CD58: variants seen among roughly 807,000 people sequenced by gnomAD.
The protein encoded by CD58 is CD58 molecule, also known as lymphocyte function-associated antigen 3.
In CD58, 14 loss-of-function variants were observed where a neutral mutation model predicts 27.6. That is an observed-to-expected ratio of 0.51 (90% CI 0.34 to 0.79). CD58 has a LOEUF of 0.79. CD58 is among the 30% of genes least tolerant of loss of function. CD58 has a pLI of 0.02. For synonymous variants in CD58, 117 were observed against 103.8 expected (o/e 1.13, Z -0.77); for missense variants, 268 against 301.7 (o/e 0.89, Z 0.83).
At position 116,519,489 on chromosome 1, in the gene CD58, A is replaced by G. The variant is rs1440143458; in HGVS notation, c.707-222T>C. ...CAGAACATGATAGAAAACCAAATGC[A>G]AAAACTGTTGACAAAATGGCTAATT... On this transcript the variant is annotated intron_variant, in intron 4 of 5. Coordinates refer to ENST00000369489, the MANE Select transcript of CD58 (RefSeq NM_001779.3). This position sits in a 1 kb window ranked among gnomAD's most constrained non-coding sequence, Gnocchi z 4.7. 1.3e-5 allele frequency among the ~76,000 whole-genome samples: 2 copies of G among 152,222 alleles called. No homozygotes were observed. The highest frequency in any genetic ancestry group is 6.5e-5 in the Admixed American group (1 of 15,286).
chr1:116,519,638 TA>T lies in CD58; in HGVS notation c.707-372del, dbSNP rs71692419. On this transcript the variant is annotated intron_variant, in intron 4 of 5. Transcript: ENST00000369489. The surrounding 1 kb of genome is among the most constrained non-coding windows in gnomAD (Gnocchi z 4.7). ...AATTTTTGGTATCCACATTACAAAG[TA>T]AAAAAAAATGTAAATTTTAATATTT... Among the ~76,000 whole-genome samples, 7 of 151,464 alleles carry T rather than the reference TA, an allele frequency of 4.6e-5. No homozygotes were observed. The highest frequency in any genetic ancestry group is 2.1e-4 in the South Asian group (1 of 4,818).
At chr1:116,526,980 G>A (rs186741392) in intron 3 of CD58, among the ~76,000 whole-genome samples, 2 of 151,978 alleles carry the variant, frequency 1.3e-5, no homozygotes, top group Non-Finnish European at 2.9e-5. Flanking sequence ...AATTCCACTT[G>A]TTCATTGCTG....
In CD58 at chr1:116,559,026, C is replaced by T. The variant is rs763766265; in HGVS notation, c.70+11877G>A. On this transcript the variant is annotated intron_variant, in intron 1 of 5. Transcript: ENST00000369489. The surrounding 1 kb of genome is among the most constrained non-coding windows in gnomAD (Gnocchi z 4.4). ...GTCTATTTTTCAGTGGAGGGAAGAA[C>T]ATAATAAATGAAAAAGTAAATATCT... Among the ~76,000 whole-genome samples the T allele has an allele frequency of 2.0e-5, 3 of 152,060 alleles. No homozygotes were observed. Among genetic ancestry groups the T allele is most frequent in the South Asian group, 2.1e-4 (1 of 4,818 alleles).
At position 116,528,912 on chromosome 1, in the gene CD58, T is replaced by C. The variant is rs1013810062; in HGVS notation, c.629-6929A>G. On this transcript the variant is annotated intron_variant, in intron 3 of 5. Transcript: ENST00000369489. This position sits in a 1 kb window ranked among gnomAD's most constrained non-coding sequence, Gnocchi z 4.4. ...TGCCAAATCCACAACCTCTTCTACATTGTCCTCCTTAAACCATTGGCTGTA... is the reference window on the plus strand; with the variant it reads ...TGCCAAATCCACAACCTCTTCTACACTGTCCTCCTTAAACCATTGGCTGTA... Among the ~76,000 whole-genome samples the C allele has an allele frequency of 2.0e-5, 3 of 152,230 alleles. No homozygotes were observed. The highest frequency in any genetic ancestry group is 2.9e-5 in the Non-Finnish European group (2 of 68,034).
chr1:116,570,944 G>A lies in CD58; in HGVS notation c.29C>T (p.Ala10Val). The A allele has an allele frequency of 6.4e-7, 1 of 1,565,646 alleles. No individual in the cohort carries two copies. Among genetic ancestry groups the A allele is most frequent in the Non-Finnish European group, 8.6e-7 (1 of 1,162,236 alleles). The stretch of plus-strand genomic sequence containing the variant: ...GCAGACCACGCTGAGGACCCCCAGG[G>A]CCCGCCCCGCGTCGCTCCCAGCAAC... MVAGSDAGR[A>V]LGVLSVVCLL... The change falls in exon 1 of 6, where the codon GCC becomes GTC. Residue 10 changes from alanine (A) to valine (V), a missense_variant. Ala to Val is a moderately conservative substitution (Grantham distance 64). Transcript: ENST00000369489. This position sits in a 1 kb window ranked among gnomAD's most constrained non-coding sequence, Gnocchi z 6.4.
In CD58 at chr1:116,531,670, C is replaced by A. The variant is rs972292408; in HGVS notation, c.628+4295G>T. On this transcript the variant is annotated intron_variant, in intron 3 of 5. Coordinates refer to ENST00000369489, the MANE Select transcript of CD58 (RefSeq NM_001779.3). This position sits in a 1 kb window ranked among gnomAD's most constrained non-coding sequence, Gnocchi z 4.5. ...CAAACAGTGCTCCTTTGAGTGACAC[C>A]TCTGTGGGTTTGATCTTTTCTCTGT... Among the ~76,000 whole-genome samples, 11 of 152,202 alleles carry A rather than the reference C, an allele frequency of 7.2e-5. No homozygotes were observed. The highest frequency in any genetic ancestry group is 2.7e-4 in the African/African-American group (11 of 41,452).
At chr1:116,566,523 A>G (rs1179102149) in intron 1 of CD58, among the ~76,000 whole-genome samples, 1 of 152,232 alleles carries the variant, frequency 6.6e-6, no homozygotes, top group African/African-American at 2.4e-5. Flanking sequence ...TCTCACTAAA[A>G]GAAACCAGGG....
At chr1:116,562,069 C>A (rs932824930) in intron 1 of CD58, among the ~76,000 whole-genome samples, 13 of 152,000 alleles carry the variant, frequency 8.6e-5, no homozygotes, top group African/African-American at 3.1e-4. Flanking sequence ...AGCACATGAA[C>A]AAGTCTCACA....
intron 1 of CD58, among the ~76,000 whole-genome samples, chr1:116,555,275 T>C (rs937174643): frequency 6.6e-6 from 1 of 152,108 alleles, no homozygotes; most frequent in African/African-American, 2.4e-5. Context: ...ATGCCCACCA[T>C]AAAAGATTGT....
At chr1:116,551,048 T>TA (rs1386844659) in intron 1 of CD58, among the ~76,000 whole-genome samples, 1 of 152,330 alleles carries the variant, frequency 6.6e-6, no homozygotes, top group East Asian at 1.9e-4. Context: ...TCCAGCCTGT[T>TA]GTTCCATTTT....
chr1:116,536,351 A>AT lies in CD58; in HGVS notation c.365-124_365-123insA. On this transcript the variant is annotated intron_variant, in intron 2 of 5. Transcript: ENST00000369489. The surrounding 1 kb of genome is among the most constrained non-coding windows in gnomAD (Gnocchi z 5.4). ...AAAGGATGAGCAGACAAACTCCTTG[A>AT]GCATCAAGGAGCGAGAATTCTTTCT... 2 of 646,754 alleles carry AT rather than the reference A, an allele frequency of 3.1e-6. No individual in the cohort carries two copies. The highest frequency in any genetic ancestry group is 5.2e-6 in the Non-Finnish European group (2 of 386,112). The allele number at this position is 646,754 out of a possible 1,614,324, so 40.1% of individuals were successfully genotyped here.
chr1:116,526,270 T>C (rs746885300), intron 3 of CD58, among the ~76,000 whole-genome samples: 1 of 152,234 alleles, frequency 6.6e-6, no homozygotes, highest in African/African-American at 2.4e-5. Context: ...AGTCATCATA[T>C]CCAAAGTTAT....
chr1:116,536,254 T>C lies in CD58; in HGVS notation c.365-26A>G, dbSNP rs766224715. Reference sequence around the variant, plus strand: ...CTGGAAAAAAAAGTATAATATTTAGTACAGAAAATAGTAATATTTAGACTT... The same window carrying C: ...CTGGAAAAAAAAGTATAATATTTAGCACAGAAAATAGTAATATTTAGACTT... On this transcript the variant is annotated intron_variant, in intron 2 of 5. Coordinates refer to ENST00000369489, the MANE Select transcript of CD58 (RefSeq NM_001779.3). The surrounding 1 kb of genome is among the most constrained non-coding windows in gnomAD (Gnocchi z 5.4). The C allele has an allele frequency of 6.4e-7, 1 of 1,552,442 alleles. No homozygotes were observed. The highest frequency in any genetic ancestry group is 2.3e-5 in the East Asian group (1 of 42,898).
rs1024506161 is a variant in CD58 at position 116,552,472 on chromosome 1, G to A, written c.71-7868C>T. Among the ~76,000 whole-genome samples, 65 of 152,298 alleles carry A rather than the reference G, an allele frequency of 4.3e-4. No homozygotes were observed. Among genetic ancestry groups the A allele is most frequent in the Admixed American group, 1.1e-3 (17 of 15,296 alleles). On this transcript the variant is annotated intron_variant, in intron 1 of 5. Coordinates refer to ENST00000369489, the MANE Select transcript of CD58 (RefSeq NM_001779.3). The surrounding 1 kb of genome is among the most constrained non-coding windows in gnomAD (Gnocchi z 4.5). Reference sequence around the variant, plus strand: ...CACTGATGGACTTGCTTAAAGCTGGGTTGTCACGAACCTTCAATTTGTAAA... The same window carrying A: ...CACTGATGGACTTGCTTAAAGCTGGATTGTCACGAACCTTCAATTTGTAAA...
chr1:116,538,197 G>C lies in CD58; in HGVS notation c.365-1969C>G, dbSNP rs371618692. On this transcript the variant is annotated intron_variant, in intron 2 of 5. Transcript: ENST00000369489. This position sits in a 1 kb window ranked among gnomAD's most constrained non-coding sequence, Gnocchi z 4.7. ...CCTTAAGATTTTCTTTAATTAAAAA[G>C]ACTTTTAATCATCTTTTAAGCAGTG... is the stretch of plus-strand genomic sequence containing the variant. 6.6e-6 allele frequency among the ~76,000 whole-genome samples: 1 copy of C among 152,098 alleles called. No homozygotes were observed. Among genetic ancestry groups the C allele is most frequent in the African/African-American group, 2.4e-5 (1 of 41,398 alleles).
chr1:116,568,213 A>T (rs753708249), intron 1 of CD58, among the ~76,000 whole-genome samples: 8 of 152,158 alleles, frequency 5.3e-5, no homozygotes, highest in African/African-American at 7.2e-5. Flanking sequence ...TGATTCTGTG[A>T]CTTGTTGGAG....
At chr1:116,558,799 G>A (rs1658662781) in intron 1 of CD58, among the ~76,000 whole-genome samples, 1 of 152,334 alleles carries the variant, frequency 6.6e-6, no homozygotes, top group East Asian at 1.9e-4. Flanking sequence ...ATTCACTGCA[G>A]GCTTACTATG....
At position 116,570,823 on chromosome 1, in the gene CD58, A is replaced by T; in HGVS notation, c.70+80T>A. 2.6e-6 allele frequency: 3 copies of T among 1,167,078 alleles called. No individual in the cohort carries two copies. The South Asian group carries it at 4.3e-5, about 17-fold the overall frequency. 72.3% of individuals were successfully genotyped at this position (1,167,078 alleles called of 1,614,324 possible). On this transcript the variant is annotated intron_variant, in intron 1 of 5. Coordinates refer to ENST00000369489, the MANE Select transcript of CD58 (RefSeq NM_001779.3). The surrounding 1 kb of genome is among the most constrained non-coding windows in gnomAD (Gnocchi z 6.4). ...CCGTCTCTGATCGGCAACCGCCTCG[A>T]GCCCGGCGCGTCCACCCAGCCTGGG...
In CD58 at chr1:116,546,619, T is replaced by C. The variant is rs1215781884; in HGVS notation, c.71-2015A>G. Reference sequence around the variant, plus strand: ...CAGGGTGGTGGTGAAAGAGTAGGTATGAGATAAACTGCCATACCCTGGCGG... The same window carrying C: ...CAGGGTGGTGGTGAAAGAGTAGGTACGAGATAAACTGCCATACCCTGGCGG... On this transcript the variant is annotated intron_variant, in intron 1 of 5. Coordinates refer to ENST00000369489, the MANE Select transcript of CD58 (RefSeq NM_001779.3). This position sits in a 1 kb window ranked among gnomAD's most constrained non-coding sequence, Gnocchi z 4.1. Among the ~76,000 whole-genome samples the C allele has an allele frequency of 6.6e-6, 1 of 152,180 alleles. No homozygotes were observed. Among genetic ancestry groups the C allele is most frequent in the Non-Finnish European group, 1.5e-5 (1 of 68,044 alleles).
Sources: allele counts gnomAD v4.1 joint callset (sites outside exome capture counted in the v4.1 genomes callset), GRCh38; gene constraint gnomAD v4.1.1; non-coding constraint Gnocchi (gnomAD v3.1); transcripts MANE v1.5; gene names NCBI Gene and HGNC (gene_info 2026-07-23, HGNC 2026-07-21).